CUX2: variants seen among roughly 807,000 people sequenced by gnomAD.
The protein encoded by CUX2 is homeobox protein cut-like 2.
CUX2 carries 40 observed loss-of-function variants against 144.8 expected under a neutral mutation model. The ratio of observed to expected loss-of-function variants is 0.28; its 90% CI spans 0.21 to 0.36. CUX2 has a LOEUF of 0.36. CUX2 is among the 10% of genes least tolerant of loss of function. CUX2 has a pLI of 1.00. For synonymous variants in CUX2, 827 were observed against 875.6 expected (o/e 0.94, Z 0.98); for missense variants, 1,615 against 1,994.0 (o/e 0.81, Z 3.62).
intron 1 of CUX2, among the ~76,000 whole-genome samples, chr12:111,158,542 T>G (rs1303559072): frequency 6.7e-6 from 1 of 148,764 alleles, no homozygotes; most frequent in African/African-American, 2.5e-5. Flanking sequence ...GAGTGGGCAG[T>G]GCAAAGATAG....
At chr12:111,145,310 G>A (rs1210661861) in intron 1 of CUX2, among the ~76,000 whole-genome samples, 2 of 152,194 alleles carry the variant, frequency 1.3e-5, no homozygotes, top group African/African-American at 4.8e-5. Context: ...CTCCTATGAG[G>A]AATGTATTCA....
rs112932226 is a variant in CUX2 at position 111,040,710 on chromosome 12, T to C, written c.63+6470T>C. Among the ~76,000 whole-genome samples, 464 of 152,314 alleles carry C rather than the reference T, an allele frequency of 3.0e-3. 2 individuals are homozygous for C. The highest frequency in any genetic ancestry group is 0.011 in the African/African-American group (441 of 41,564). ...TCAGGGTATGGTCTCTCTCTACACA[T>C]GCTAGGTTTACCATCAGATGGGGCC... On this transcript the variant is annotated intron_variant, in intron 1 of 21. Transcript: ENST00000261726.
Position 111,312,349 on chromosome 12 carries a change from G to A in CUX2, c.2002+148G>A. ...CCAGAGGGACCTGTCTAGAGCGCAT[G>A]GGTAGCTGTGGCACTGCTCAGAACC... is the stretch of plus-strand genomic sequence containing the variant. On this transcript the variant is annotated intron_variant, in intron 16 of 21. Transcript: ENST00000261726. This position sits in a 1 kb window ranked among gnomAD's most constrained non-coding sequence, Gnocchi z 4.3. 1 of 609,692 alleles carries A rather than the reference G, an allele frequency of 1.6e-6. No individual in the cohort carries two copies. Among genetic ancestry groups the A allele is most frequent in the African/African-American group, 1.8e-5 (1 of 54,130 alleles). The allele number at this position is 609,692 out of a possible 1,614,324, so 37.8% of individuals were successfully genotyped here. A position where few individuals can be genotyped will look rare whatever the true frequency, so the allele number is the denominator to read the frequency against.
rs142456218 is a variant in CUX2 at position 111,193,543 on chromosome 12, C to A, written c.64-20657C>A. 1.1e-3 allele frequency among the ~76,000 whole-genome samples: 170 copies of A among 152,262 alleles called. 1 individual carries two copies. The highest frequency in any genetic ancestry group is 3.9e-3 in the African/African-American group (163 of 41,548). ...CTTTGGGGAACAAATTCTGAAATTT[C>A]TTTCTATTTTCTCCCTCGCTATTGT... On this transcript the variant is annotated intron_variant, in intron 1 of 21. Transcript: ENST00000261726.
At chr12:111,224,519 T>G in intron 3 of CUX2, among the ~76,000 whole-genome samples, 1 of 130,430 alleles carries the variant, frequency 7.7e-6, no homozygotes, top group Non-Finnish European at 1.5e-5. Context: ...TACAGGGCTT[T>G]TTTTTTTTTT....
chr12:111,138,097 C>G (rs1876037863), intron 1 of CUX2, among the ~76,000 whole-genome samples: 1 of 152,206 alleles, frequency 6.6e-6, no homozygotes, highest in African/African-American at 2.4e-5. Flanking sequence ...ATCCCCTTTA[C>G]CCCTCCCACA....
Position 111,304,482 on chromosome 12 carries a change from T to C in CUX2, c.858+168T>C, listed in dbSNP as rs1302649229. ...GTCTCTGTGCATACGGTGAGCATAA[T>C]CACTATGACCTGCTACACCAGCTGA... On this transcript the variant is annotated intron_variant, in intron 10 of 21. Coordinates refer to ENST00000261726, the MANE Select transcript of CUX2 (RefSeq NM_015267.4). The surrounding 1 kb of genome is among the most constrained non-coding windows in gnomAD (Gnocchi z 4.7). 6.6e-6 allele frequency among the ~76,000 whole-genome samples: 1 copy of C among 151,938 alleles called. No homozygotes were observed. The highest frequency in any genetic ancestry group is 1.5e-5 in the Non-Finnish European group (1 of 67,958).
chr12:111,080,798 T>G (rs1314887471), intron 1 of CUX2, among the ~76,000 whole-genome samples: 3 of 152,202 alleles, frequency 2.0e-5, no homozygotes, highest in Non-Finnish European at 4.4e-5. Context: ...GTTGAAGGAA[T>G]GAGTGAAATA....
intron 1 of CUX2, among the ~76,000 whole-genome samples, chr12:111,094,647 G>A (rs988549625): frequency 2.0e-5 from 3 of 152,170 alleles, no homozygotes; most frequent in Non-Finnish European, 4.4e-5. Context: ...ACAGGCGTGT[G>A]CCACCATGTC....
intron 1 of CUX2, among the ~76,000 whole-genome samples, chr12:111,104,321 G>A (rs1873453587): frequency 6.6e-6 from 1 of 152,184 alleles, no homozygotes; most frequent in Admixed American, 6.5e-5. Context: ...CATGGATTTG[G>A]GGCGTTAAGA....
chr12:111,315,676 G>A (rs1477841763), intron 16 of CUX2, among the ~76,000 whole-genome samples: 1 of 151,962 alleles, frequency 6.6e-6, no homozygotes, highest in African/African-American at 2.4e-5. Flanking sequence ...CCGAGATCGC[G>A]CCATTGCACT....
In CUX2 at chr12:111,321,159, C is replaced by T. The variant is rs913700042; in HGVS notation, c.2766+384C>T. Among the ~76,000 whole-genome samples, 5 of 152,186 alleles carry T rather than the reference C, an allele frequency of 3.3e-5. No homozygotes were observed. The South Asian group carries it at 1.0e-3, about 32-fold the overall frequency. ...CCAGCCTGGCCAACGTGGTGAAACC[C>T]CGTCTCTACTAAAAAATACAAAAAT... On this transcript the variant is annotated intron_variant, in intron 17 of 21. Transcript: ENST00000261726.
intron 9 of CUX2, among the ~76,000 whole-genome samples, chr12:111,298,879 C>T (rs1886148328): frequency 2.6e-5 from 4 of 152,176 alleles, no homozygotes; most frequent in Admixed American, 2.6e-4. Flanking sequence ...CTGACCCAGA[C>T]TGCGGGAGTC....
rs1487251119 is a variant in CUX2 at position 111,186,039 on chromosome 12, C to T, written c.64-28161C>T. Reference sequence around the variant, plus strand: ...CTGTTTTCTGGTCCTCTCTCTTTCACTCTCACTCTCTCCCTCCCTCCCTTC... The same window carrying T: ...CTGTTTTCTGGTCCTCTCTCTTTCATTCTCACTCTCTCCCTCCCTCCCTTC... On this transcript the variant is annotated intron_variant, in intron 1 of 21. Coordinates refer to ENST00000261726, the MANE Select transcript of CUX2 (RefSeq NM_015267.4). This position sits in a 1 kb window ranked among gnomAD's most constrained non-coding sequence, Gnocchi z 4.4. 2.0e-5 allele frequency among the ~76,000 whole-genome samples: 3 copies of T among 151,942 alleles called. No homozygotes were observed. Among genetic ancestry groups the T allele is most frequent in the African/African-American group, 7.3e-5 (3 of 41,340 alleles).
intron 20 of CUX2, among the ~76,000 whole-genome samples, chr12:111,340,864 C>T (rs1888545482): frequency 6.6e-6 from 1 of 152,088 alleles, no homozygotes; most frequent in South Asian, 2.1e-4. Flanking sequence ...CTGCCTTTAC[C>T]TCTTTTAAAA....
rs771021590 is a variant in CUX2 at position 111,310,429 on chromosome 12, G to A, written c.1647G>A (p.Glu549=). ...GCGGAGCGGCGGGGCCCGGGGCAGA[G>A]GAGGAGCAGCTGGACACGGCAGAGA... ...GGGGAAGPGA[E]EEQLDTAEIA... is the part of the protein sequence containing the mutation. Residue 549 remains glutamate, a synonymous_variant, in exon 15 of 22, where the codon GAG becomes GAA. Transcript: ENST00000261726. This position sits in a 1 kb window ranked among gnomAD's most constrained non-coding sequence, Gnocchi z 7.9. 3.7e-6 allele frequency: 6 copies of A among 1,612,516 alleles called. No homozygotes were observed. In the Admixed American group the frequency reaches 6.7e-5, roughly 18 times the overall value.
At chr12:111,237,900 C>T (rs1882837401) in intron 3 of CUX2, among the ~76,000 whole-genome samples, 1 of 152,250 alleles carries the variant, frequency 6.6e-6, no homozygotes, top group African/African-American at 2.4e-5. Flanking sequence ...ACACTTTGGA[C>T]TGGATGATTC....
At chr12:111,146,537 G>A (rs77072253) in intron 1 of CUX2, among the ~76,000 whole-genome samples, 3,002 of 152,312 alleles carry the variant, frequency 0.02, 34 homozygotes, top group Middle Eastern at 0.041. Context: ...GAAAGGGGTT[G>A]GGATAGCTTG....
At chr12:111,154,674 G>A (rs917356665) in intron 1 of CUX2, among the ~76,000 whole-genome samples, 5 of 152,212 alleles carry the variant, frequency 3.3e-5, no homozygotes, top group African/African-American at 1.2e-4. Context: ...GTGCCTGGGA[G>A]ATGGAGCTGT....
Sources: gnomAD v4.1 joint callset for allele counts (sites outside exome capture counted in the v4.1 genomes callset) on GRCh38, gnomAD v4.1.1 for gene constraint, Gnocchi (gnomAD v3.1) non-coding constraint, MANE v1.5 for transcripts, NCBI Gene and HGNC (gene_info 2026-07-23, HGNC 2026-07-21) for gene names.